RPA1: variants seen among roughly 807,000 people sequenced by gnomAD.
The protein encoded by RPA1 is replication protein A 70 kDa DNA-binding subunit.
RPA1 carries 49 observed loss-of-function variants against 83.0 expected under a neutral mutation model. The observed-to-expected ratio is 0.59, with a 90% CI of 0.47 to 0.75. The LOEUF is 0.75. Ranked by LOEUF, RPA1 falls within the 30% of genes least tolerant of loss-of-function variation. The pLI is 0.00. For missense variants in RPA1, 693 were observed against 776.1 expected (o/e 0.89, Z 1.27); for synonymous variants, 279 against 281.8 (o/e 0.99, Z 0.10).
At chr17:1,848,374 G>A (rs933499607) in intron 4 of RPA1, among the ~76,000 whole-genome samples, 7 of 152,170 alleles carry the variant, frequency 4.6e-5, no homozygotes, top group Middle Eastern at 3.4e-3. Flanking sequence ...CACTTTGGGA[G>A]GCTGAGGCAG....
intron 16 of RPA1, among the ~76,000 whole-genome samples, chr17:1,896,300 G>A (rs1486867872): frequency 1.3e-5 from 2 of 152,162 alleles, no homozygotes; most frequent in African/African-American, 4.8e-5. Context: ...TGACAGCCCC[G>A]AGCTCGCCTG....
At chr17:1,831,898 C>CTTTTTTTTTTTT (rs138268342) in intron 1 of RPA1, among the ~76,000 whole-genome samples, 1 of 37,816 alleles carries the variant, frequency 2.6e-5, no homozygotes. Flanking sequence ...TGTGCCCGGC[C>CTTTTTTTTTTTT]TTTTTTTTTT....
chr17:1,877,636 A>G (rs1913621549), intron 8 of RPA1, among the ~76,000 whole-genome samples: 1 of 152,164 alleles, frequency 6.6e-6, no homozygotes. Context: ...TAGTTTTCTA[A>G]ATATATAAGT....
At chr17:1,852,573 G>T (rs1482554637) in intron 4 of RPA1, among the ~76,000 whole-genome samples, 1 of 152,212 alleles carries the variant, frequency 6.6e-6, no homozygotes, top group Admixed American at 6.5e-5. Context: ...GGCACGGGAG[G>T]GGGGTTAGCA....
chr17:1,850,984 C>T (rs1912475143), intron 4 of RPA1, among the ~76,000 whole-genome samples: 1 of 152,086 alleles, frequency 6.6e-6, no homozygotes, highest in African/African-American at 2.4e-5. Context: ...CATCTACAAA[C>T]ATAGACAGAA....
chr17:1,891,107 TAAA>T (rs772540262), intron 14 of RPA1, among the ~76,000 whole-genome samples: 13 of 152,240 alleles, frequency 8.5e-5, no homozygotes, highest in Non-Finnish European at 1.3e-4. Flanking sequence ...AATGATGCCT[TAAA>T]GAAAAACCAC....
At position 1,846,538 on chromosome 17, in the gene RPA1, T is replaced by C. The variant is rs183540410; in HGVS notation, c.272+1852T>C. ...GGTTTCACCATGTTAGCCAGGATGG[T>C]CTCGATCTCCTGACCTCGTGATCCA... On this transcript the variant is annotated intron_variant, in intron 4 of 16. Transcript: ENST00000254719. 8.5e-3 allele frequency among the ~76,000 whole-genome samples: 1,286 copies of C among 152,168 alleles called. 19 individuals are homozygous for C. The highest frequency in any genetic ancestry group is 0.029 in the African/African-American group (1,211 of 41,504).
At chr17:1,847,133 A>G (rs931841957) in intron 4 of RPA1, among the ~76,000 whole-genome samples, 1 of 151,674 alleles carries the variant, frequency 6.6e-6, no homozygotes, top group African/African-American at 2.4e-5. Flanking sequence ...CCTTTTATGC[A>G]TTGTTGTGTA....
At position 1,884,960 on chromosome 17, in the gene RPA1, C is replaced by T. The variant is rs373044089; in HGVS notation, c.1374+1016C>T. ...CACGGCGATGGTTGCTGAACATCGGCGTGTCTTTGGCAGTTTCTTAAAATA... is the reference window on the plus strand; with the variant it reads ...CACGGCGATGGTTGCTGAACATCGGTGTGTCTTTGGCAGTTTCTTAAAATA... On this transcript the variant is annotated intron_variant, in intron 13 of 16. Coordinates refer to ENST00000254719, the MANE Select transcript of RPA1 (RefSeq NM_002945.5). This position sits in a 1 kb window ranked among gnomAD's most constrained non-coding sequence, Gnocchi z 4.1. Among the ~76,000 whole-genome samples, 10 of 152,172 alleles carry T rather than the reference C, an allele frequency of 6.6e-5. No homozygotes were observed. Among genetic ancestry groups the T allele is most frequent in the East Asian group, 1.9e-4 (1 of 5,202 alleles).
In RPA1 at chr17:1,891,973, C is replaced by G. The variant is rs1567829326; in HGVS notation, c.1659+33C>G. 3 of 1,433,772 alleles carry G rather than the reference C, an allele frequency of 2.1e-6. No individual in the cohort carries two copies. The Admixed American group carries it at 5.6e-5, about 27-fold the overall frequency. The allele number at this position is 1,433,772 out of a possible 1,614,324, so 88.8% of individuals were successfully genotyped here. On this transcript the variant is annotated intron_variant, in intron 15 of 16. Transcript: ENST00000254719. ...ACATATTTTATTATAACTTCTATAA[C>G]TTTTAATGGTTCTCATTCTATAACA...
At chr17:1,851,398 C>T (rs1274769151) in intron 4 of RPA1, among the ~76,000 whole-genome samples, 3 of 152,200 alleles carry the variant, frequency 2.0e-5, no homozygotes, top group Non-Finnish European at 4.4e-5. Context: ...CCTTTTTTCT[C>T]CTTTACTGTT....
chr17:1,863,869 T>C (rs1425745051), intron 5 of RPA1, among the ~76,000 whole-genome samples: 1 of 152,236 alleles, frequency 6.6e-6, no homozygotes, highest in Non-Finnish European at 1.5e-5. Flanking sequence ...TAAGAGATGA[T>C]GGTCAATCAT....
intron 1 of RPA1, among the ~76,000 whole-genome samples, chr17:1,833,580 C>T (rs758931994): frequency 1.9e-4 from 29 of 152,204 alleles, no homozygotes; most frequent in Middle Eastern, 3.2e-3. Flanking sequence ...CTAGGCCAGG[C>T]GCAGTGGCTC....
intron 4 of RPA1, among the ~76,000 whole-genome samples, chr17:1,846,522 A>G (rs904948773): frequency 1.9e-4 from 29 of 151,866 alleles, no homozygotes; most frequent in South Asian, 8.3e-4. Context: ...GGGTTTCACC[A>G]TGTTAGCCAG....
chr17:1,880,812 C>T (rs181989722), intron 12 of RPA1, 121 bp downstream of exon 12: 15 of 1,373,592 alleles, frequency 1.1e-5, no homozygotes, highest in South Asian at 6.7e-5. Context: ...GTGCAGCTTC[C>T]GTGTTTCTTG....
chr17:1,845,901 C>G (rs1053183425), intron 4 of RPA1, among the ~76,000 whole-genome samples: 5 of 152,112 alleles, frequency 3.3e-5, no homozygotes, highest in Admixed American at 6.6e-5. Context: ...CCACTGCACT[C>G]CAGGCTGGGC....
chr17:1,864,400 A>T (rs942588858), intron 5 of RPA1, among the ~76,000 whole-genome samples: 1 of 151,428 alleles, frequency 6.6e-6, no homozygotes, highest in Non-Finnish European at 1.5e-5. Flanking sequence ...TTAGCTGGGC[A>T]TAGTGGCACG....
chr17:1,839,347 G>A (rs1911950448), intron 1 of RPA1, among the ~76,000 whole-genome samples: 1 of 150,840 alleles, frequency 6.6e-6, no homozygotes, highest in South Asian at 2.1e-4. Context: ...TTTTTTTTGA[G>A]ATGGAGTCTA....
intron 1 of RPA1, among the ~76,000 whole-genome samples, chr17:1,830,993 A>G (rs1363524493): frequency 6.6e-6 from 1 of 152,092 alleles, no homozygotes; most frequent in African/African-American, 2.4e-5. Context: ...CTCGAACACC[A>G]GACCTCAAGT....
Sources: gnomAD v4.1 joint callset for allele counts (sites outside exome capture counted in the v4.1 genomes callset) on GRCh38, gnomAD v4.1.1 for gene constraint, Gnocchi (gnomAD v3.1) non-coding constraint, MANE v1.5 for transcripts, NCBI Gene and HGNC (gene_info 2026-07-23, HGNC 2026-07-21) for gene names.